The following ROR1 variants were observed in gnomAD, a reference collection of about 807,000 sequenced individuals.
The protein encoded by ROR1 is inactive tyrosine-protein kinase transmembrane receptor ROR1.
ROR1 carries 19 observed loss-of-function variants against 78.8 expected under a neutral mutation model. That is an observed-to-expected ratio of 0.24 (90% CI 0.17 to 0.35). ROR1 has a LOEUF of 0.35. Among genes scored for constraint, ROR1 ranks in the 10% least tolerant of loss-of-function variants. The probability of loss-of-function intolerance (pLI) is 1.00; values close to 1 mark genes in which losing one functional copy is unlikely to be tolerated. For synonymous variants in ROR1, 386 were observed against 433.6 expected, an observed-to-expected ratio of 0.89 and a Z score of 1.36; for missense variants, 917 against 1,177.8, an observed-to-expected ratio of 0.78 and a Z score of 3.24.
intron 1 of ROR1, among the ~76,000 whole-genome samples, chr1:63,802,724 A>T (rs770601813): frequency 1.3e-5 from 2 of 152,238 alleles, no homozygotes; most frequent in Non-Finnish European, 2.9e-5. Flanking sequence ...ATCATAGGGC[A>T]TATCAGTAAT....
At chr1:64,170,726 C>T (rs1347079224) in intron 8 of ROR1, among the ~76,000 whole-genome samples, 2 of 152,170 alleles carry the variant, frequency 1.3e-5, no homozygotes, top group Non-Finnish European at 2.9e-5. Context: ...CCTTTAACAG[C>T]ACCCAAATCA....
At chr1:63,854,979 G>A (rs1438560352) in intron 1 of ROR1, among the ~76,000 whole-genome samples, 2 of 151,724 alleles carry the variant, frequency 1.3e-5, no homozygotes, top group East Asian at 1.9e-4. Flanking sequence ...TTTAAAATTT[G>A]TATTATTTAT....
intron 1 of ROR1, among the ~76,000 whole-genome samples, chr1:63,949,521 G>A (rs1334174024): frequency 6.6e-6 from 1 of 152,174 alleles, no homozygotes; most frequent in African/African-American, 2.4e-5. Context: ...TTAAGAAACA[G>A]AGGCTTAGAG....
chr1:63,956,836 A>G (rs1005299490), intron 1 of ROR1, among the ~76,000 whole-genome samples: 1 of 152,246 alleles, frequency 6.6e-6, no homozygotes, highest in African/African-American at 2.4e-5. Context: ...CTTAAACTTC[A>G]AAATGGTTAC....
intron 2 of ROR1, among the ~76,000 whole-genome samples, chr1:64,044,622 C>A (rs1646770063): frequency 6.6e-6 from 1 of 152,108 alleles, no homozygotes; most frequent in Non-Finnish European, 1.5e-5. Flanking sequence ...AGTACTCCTG[C>A]CAAGTACTAT....
intron 1 of ROR1, among the ~76,000 whole-genome samples, chr1:63,888,693 G>A (rs984314701): frequency 2.0e-5 from 3 of 151,920 alleles, no homozygotes; most frequent in African/African-American, 4.8e-5. Context: ...TGATGGATCT[G>A]TAAATATTAT....
At chr1:63,952,676 C>A (rs1376391235) in intron 1 of ROR1, among the ~76,000 whole-genome samples, 1 of 152,082 alleles carries the variant, frequency 6.6e-6, no homozygotes, top group African/African-American at 2.4e-5. Context: ...GCCTTGAAGC[C>A]AGGCCAGGGG....
chr1:64,018,778 AAG>A lies in ROR1; in HGVS notation c.163+9408_163+9409del, dbSNP rs1339775455. 3.3e-5 allele frequency among the ~76,000 whole-genome samples: 5 copies of A among 152,152 alleles called. No homozygotes were observed. In the East Asian group the frequency reaches 7.7e-4, roughly 23 times the overall value. On this transcript the variant is annotated intron_variant, in intron 2 of 8. Coordinates refer to ENST00000371079, the MANE Select transcript of ROR1 (RefSeq NM_005012.4). ...AACATCTAGTGCAGTTGTTTGAATA[AAG>A]AGAGAAATGAATGAGTGGTGAAAAT... is the stretch of plus-strand genomic sequence containing the variant.
intron 2 of ROR1, among the ~76,000 whole-genome samples, chr1:64,014,249 A>T (rs12090670): frequency 0.043 from 6,559 of 152,222 alleles, 495 homozygotes; most frequent in African/African-American, 0.15. Flanking sequence ...TCAGTCCCAC[A>T]GCAGCTCCCC....
At position 63,830,548 on chromosome 1, in the gene ROR1, G is replaced by A. The variant is rs919279198; in HGVS notation, c.91+56040G>A. 5.3e-5 allele frequency among the ~76,000 whole-genome samples: 8 copies of A among 152,002 alleles called. No homozygotes were observed. In the East Asian group the frequency reaches 7.7e-4, roughly 15 times the overall value. ...TTGTTGGTTTAAAACAACCACTATC[G>A]TGAGAACAGCATGGGGGAAAGCACC... On this transcript the variant is annotated intron_variant, in intron 1 of 8. Coordinates refer to ENST00000371079, the MANE Select transcript of ROR1 (RefSeq NM_005012.4).
chr1:63,805,593 A>G (rs1185232414), intron 1 of ROR1, among the ~76,000 whole-genome samples: 1 of 152,212 alleles, frequency 6.6e-6, no homozygotes, highest in Non-Finnish European at 1.5e-5. Context: ...TATCTTTTTT[A>G]AAAAGCACAA....
intron 1 of ROR1, among the ~76,000 whole-genome samples, chr1:63,987,485 G>A (rs1237738071): frequency 6.6e-6 from 1 of 152,098 alleles, no homozygotes; most frequent in Non-Finnish European, 1.5e-5. Flanking sequence ...TGTGGGATCT[G>A]GGAATGTTAA....
At chr1:64,138,158 G>T (rs1051380420) in intron 5 of ROR1, among the ~76,000 whole-genome samples, 4 of 152,182 alleles carry the variant, frequency 2.6e-5, no homozygotes, top group Admixed American at 2.0e-4. Context: ...GCATCGTTCT[G>T]GTGGTTACAG....
chr1:63,977,339 G>T (rs1349578832), intron 1 of ROR1, among the ~76,000 whole-genome samples: 1 of 152,094 alleles, frequency 6.6e-6, no homozygotes, highest in Non-Finnish European at 1.5e-5. Context: ...ACTGCATTTT[G>T]ACTGTGACCT....
At chr1:64,160,917 C>G (rs1453716725) in intron 8 of ROR1, among the ~76,000 whole-genome samples, 1 of 152,204 alleles carries the variant, frequency 6.6e-6, no homozygotes, top group Non-Finnish European at 1.5e-5. Context: ...ATGTACTCCT[C>G]ATTGCCAGGG....
intron 4 of ROR1, among the ~76,000 whole-genome samples, chr1:64,081,018 A>G (rs1647097249): frequency 6.6e-6 from 1 of 152,190 alleles, no homozygotes; most frequent in African/African-American, 2.4e-5. Context: ...AATTAGGCTG[A>G]AGTTTTCAGT....
chr1:64,141,866 G>C (rs3767263), intron 6 of ROR1, among the ~76,000 whole-genome samples: 70,946 of 151,670 alleles, frequency 0.47, 17,578 homozygotes, highest in African/African-American at 0.64. Flanking sequence ...CTCTGGCCAC[G>C]TGCGAGGTCT....
At chr1:63,863,007 C>T (rs535525437) in intron 1 of ROR1, among the ~76,000 whole-genome samples, 35 of 152,282 alleles carry the variant, frequency 2.3e-4, no homozygotes, top group African/African-American at 8.2e-4. Context: ...CTTGCCTAAT[C>T]ACTTTTTGTT....
chr1:64,152,187 C>G (rs1649646804), intron 7 of ROR1, among the ~76,000 whole-genome samples: 1 of 152,146 alleles, frequency 6.6e-6, no homozygotes, highest in Admixed American at 6.5e-5. Flanking sequence ...GGACTGGATC[C>G]AAATTTTAAC....
Sources: gnomAD v4.1 joint callset for allele counts (sites outside exome capture counted in the v4.1 genomes callset) on GRCh38, gnomAD v4.1.1 for gene constraint, MANE v1.5 for transcripts, NCBI Gene and HGNC (gene_info 2026-07-23, HGNC 2026-07-21) for gene names.